Variants in SMC6 observed in about 807,000 individuals in gnomAD.
SMC6 encodes structural maintenance of chromosomes protein 6.
Under a neutral mutation model 142.2 loss-of-function variants are expected in SMC6, and 79 were observed. The ratio of observed to expected loss-of-function variants is 0.56; its 90% confidence interval spans 0.46 to 0.67. The LOEUF (loss-of-function observed/expected upper bound fraction) is 0.67. SMC6 is among the 30% of genes least tolerant of loss of function. The pLI is 0.00. For missense variants in SMC6, 1,072 were observed against 1,284.0 expected (o/e 0.83, Z 2.52); for synonymous variants, 411 against 412.4 (o/e 1.00, Z 0.04).
chr2:17,736,236 CACTA>C (rs879178943), intron 5 of SMC6, among the ~76,000 whole-genome samples: 1 of 152,158 alleles, frequency 6.6e-6, no homozygotes, highest in African/African-American at 2.4e-5. Context: ...TTCTAGCTGT[CACTA>C]ACTGTGTTTT....
chr2:17,731,037 A>T, intron 7 of SMC6, 41 bp downstream of exon 7: 1 of 1,497,206 alleles, frequency 6.7e-7, no homozygotes, highest in Non-Finnish European at 9.3e-7. Context: ...AAAAAATGAC[A>T]AGGTGTATGA....
chr2:17,740,572 G>A (rs1670388472), intron 4 of SMC6, among the ~76,000 whole-genome samples: 1 of 152,118 alleles, frequency 6.6e-6, no homozygotes, highest in Admixed American at 6.5e-5. Flanking sequence ...CTTTAATTGT[G>A]GCCGGGCGCA....
At chr2:17,737,169 A>G (rs938448123) in intron 5 of SMC6, among the ~76,000 whole-genome samples, 3 of 152,062 alleles carry the variant, frequency 2.0e-5, no homozygotes, top group African/African-American at 7.2e-5. Flanking sequence ...TTTTGAGTCA[A>G]TTTGGAATCT....
At chr2:17,666,168 G>A (rs1327109985) in intron 27 of SMC6, among the ~76,000 whole-genome samples, 2 of 152,150 alleles carry the variant, frequency 1.3e-5, no homozygotes, top group African/African-American at 4.8e-5. Flanking sequence ...AGTTTGTCAT[G>A]ATAACTACAA....
chr2:17,719,437 C>G (rs1005217705), intron 11 of SMC6, among the ~76,000 whole-genome samples: 1 of 152,126 alleles, frequency 6.6e-6, no homozygotes, highest in Non-Finnish European at 1.5e-5. Context: ...AGTCTTTACC[C>G]TCCAGAAATT....
chr2:17,752,814 TTTTTC>T (rs1671123933), intron 2 of SMC6, among the ~76,000 whole-genome samples, 159 bp downstream of exon 2: 1 of 152,168 alleles, frequency 6.6e-6, no homozygotes, highest in South Asian at 2.1e-4. Context: ...GAGATTTGGG[TTTTTC>T]TTTTTTCCTT....
intron 25 of SMC6, among the ~76,000 whole-genome samples, chr2:17,678,270 G>A (rs1409546568): frequency 6.6e-6 from 1 of 152,040 alleles, no homozygotes; most frequent in African/African-American, 2.4e-5. Flanking sequence ...GGGAACTAGT[G>A]GAGTAGAAAG....
chr2:17,741,961 T>C (rs1169395399), intron 3 of SMC6, among the ~76,000 whole-genome samples: 1 of 152,228 alleles, frequency 6.6e-6, no homozygotes, highest in Non-Finnish European at 1.5e-5. Flanking sequence ...TTTCTTAATA[T>C]TGGCAATGAC....
At chr2:17,672,265 G>T (rs2103477173) in intron 25 of SMC6, among the ~76,000 whole-genome samples, 1 of 152,234 alleles carries the variant, frequency 6.6e-6, no homozygotes, top group East Asian at 1.9e-4. Context: ...TGGAACTTCA[G>T]TGTCACTTTC....
chr2:17,712,040 G>T (rs1186293212), intron 16 of SMC6, among the ~76,000 whole-genome samples: 2 of 152,184 alleles, frequency 1.3e-5, no homozygotes, highest in Admixed American at 1.3e-4. Context: ...CATAAAATAG[G>T]CTGAGAAACA....
chr2:17,697,164 C>G (rs1045994369), intron 21 of SMC6, among the ~76,000 whole-genome samples: 1 of 151,946 alleles, frequency 6.6e-6, no homozygotes, highest in African/African-American at 2.4e-5. Flanking sequence ...GTAAGGACTT[C>G]CAGTCTCATG....
chr2:17,704,902 A>T (rs1668429512), intron 18 of SMC6, among the ~76,000 whole-genome samples: 2 of 152,112 alleles, frequency 1.3e-5, no homozygotes, highest in South Asian at 4.1e-4. Context: ...TTAATAGGAA[A>T]TATTTATTTT....
At position 17,700,222 on chromosome 2, in the gene SMC6, C is replaced by T. The variant is rs1668202523; in HGVS notation, c.2380G>A (p.Ala794Thr). 1.2e-6 allele frequency: 2 copies of T among 1,602,940 alleles called. No homozygotes were observed. Among genetic ancestry groups the T allele is most frequent in the Non-Finnish European group, 1.7e-6 (2 of 1,175,174 alleles). Residue 794 changes from alanine (A) to threonine (T), a missense_variant, in exon 21 of 28, where the codon GCA (alanine) becomes ACA (threonine). By Grantham distance (58) the Ala-to-Thr change is moderately conservative. Around this residue, in one of 3 missense-constraint regions of SMC6, gnomAD observed 994 missense variants for 1,153.2 expected, o/e 0.86. Coordinates refer to ENST00000448223, the MANE Select transcript of SMC6 (RefSeq NM_001142286.2). ...AAAATATATACCTTAAGTGGGTCTG[C>T]TAGCTCCGATAGTTGATTAATTTTG... ...KFKINQLSELADPLKDELNLA... is the reference protein window; with the variant it reads ...KFKINQLSELTDPLKDELNLA...
chr2:17,709,522 G>A (rs1668716837), intron 16 of SMC6, among the ~76,000 whole-genome samples: 1 of 152,128 alleles, frequency 6.6e-6, no homozygotes, highest in Non-Finnish European at 1.5e-5. Flanking sequence ...CATTCTTAGT[G>A]CTTTCCTAGT....
At chr2:17,746,631 T>C (rs1163230259) in intron 2 of SMC6, among the ~76,000 whole-genome samples, 1 of 152,170 alleles carries the variant, frequency 6.6e-6, no homozygotes, top group African/African-American at 2.4e-5. Context: ...TTTTTGCCAA[T>C]ATACTACAAA....
At chr2:17,712,254 G>A (rs1438227794) in intron 16 of SMC6, among the ~76,000 whole-genome samples, 1 of 152,222 alleles carries the variant, frequency 6.6e-6, no homozygotes, top group Admixed American at 6.5e-5. Flanking sequence ...TCTCCCCTAG[G>A]AGAGGTGTAT....
At chr2:17,691,443 C>T (rs1003046494) in intron 23 of SMC6, among the ~76,000 whole-genome samples, 96 of 109,910 alleles carry the variant, frequency 8.7e-4, no homozygotes, top group African/African-American at 4.5e-3. Context: ...GAATAGTTGC[C>T]GTTTTGAACC....
chr2:17,703,983 G>A (rs1668389148), intron 18 of SMC6, among the ~76,000 whole-genome samples: 1 of 151,834 alleles, frequency 6.6e-6, no homozygotes, highest in Non-Finnish European at 1.5e-5. Flanking sequence ...GACTGCATTG[G>A]GGGTCAGTGC....
chr2:17,742,378 T>C lies in SMC6; in HGVS notation c.121-649A>G, dbSNP rs188346905. Reference sequence around the variant, plus strand: ...ACTTATTATGGCAACTGTGTGACTTTTGGCAATGTATAAAGCATATACAGT... The same window carrying C: ...ACTTATTATGGCAACTGTGTGACTTCTGGCAATGTATAAAGCATATACAGT... On this transcript the variant is annotated intron_variant, in intron 3 of 27. Transcript: ENST00000448223. 9.2e-5 allele frequency among the ~76,000 whole-genome samples: 14 copies of C among 152,324 alleles called. No homozygotes were observed. In the East Asian group the frequency reaches 2.7e-3, roughly 29 times the overall value.
Sources: allele counts gnomAD v4.1 joint callset (sites outside exome capture counted in the v4.1 genomes callset), GRCh38; gene constraint gnomAD v4.1.1; regional missense constraint gnomAD v4.1.1; transcripts MANE v1.5; gene names NCBI Gene and HGNC (gene_info 2026-07-23, HGNC 2026-07-21).